Variants in GPR35 observed in about 807,000 individuals in gnomAD.
The protein encoded by GPR35 is G protein-coupled receptor 35, also known as KYNA receptor.
For missense variants in GPR35, 372 were observed against 422.5 expected (o/e 0.88, Z 1.05); for synonymous variants, 207 against 198.4 (o/e 1.04, Z -0.36).
intron 1 of GPR35, chr2:240,605,609 G>A (rs942187350): frequency 2.6e-5 from 4 of 152,562 alleles, no homozygotes; most frequent in African/African-American, 7.2e-5. Context: ...GCGGTAGTCA[G>A]GGAGAGGGCT....
chr2:240,621,854 C>G (rs1206412450), upstream of GPR35, among the ~76,000 whole-genome samples: 2 of 152,150 alleles, frequency 1.3e-5, no homozygotes, highest in African/African-American at 4.8e-5. Context: ...CTGTGCCTAA[C>G]ATGTATTATT....
At chr2:240,625,280 C>G (rs537184759), upstream of GPR35, 2 of 985,536 alleles carry the variant, frequency 2.0e-6, no homozygotes, top group African/African-American at 3.5e-5. Context: ...GATGCTGGCT[C>G]TTCAGAGGTG....
rs140850565 is a variant in GPR35 at position 240,630,602 on chromosome 2, G to C, written c.650G>C (p.Arg217Pro). 1 of 1,612,650 alleles carries C rather than the reference G, an allele frequency of 6.2e-7. No individual in the cohort carries two copies. The highest frequency in any genetic ancestry group is 1.1e-5 in the South Asian group (1 of 91,080). ...GQAEATRKAA[R>P]MVWANLLVFV... ...GCAGAGGCCACCCGCAAGGCTGCCC[G>C]CATGGTCTGGGCCAACCTCCTGGTG... The change falls in exon 2 of 2, where the codon CGC becomes CCC. Residue 217 changes from arginine to proline, a missense_variant. Transcript: ENST00000407714.
At chr2:240,624,925 G>A (rs2043351988), upstream of GPR35, among the ~76,000 whole-genome samples, 1 of 152,154 alleles carries the variant, frequency 6.6e-6, no homozygotes, top group African/African-American at 2.4e-5. Context: ...CAGGGGAGGA[G>A]CCAGCCTGCC....
At position 240,629,933 on chromosome 2, in the gene GPR35, C is replaced by A; in HGVS notation, c.-4-16C>A. Reference sequence around the variant, plus strand: ...GCTCACTCTCTGCTGACCTCCGGCTCCCTGTGCTGCCCCAGGACCATGAAT... The same window carrying A: ...GCTCACTCTCTGCTGACCTCCGGCTACCTGTGCTGCCCCAGGACCATGAAT... On this transcript the variant is annotated splice_polypyrimidine_tract_variant and intron_variant, in intron 1 of 1. Transcript: ENST00000407714. The A allele has an allele frequency of 6.3e-7, 1 of 1,584,826 alleles. No individual in the cohort carries two copies. Among genetic ancestry groups the A allele is most frequent in the South Asian group, 1.1e-5 (1 of 89,034 alleles).
At chr2:240,623,436 G>A (rs376137892), upstream of GPR35, among the ~76,000 whole-genome samples, 1,305 of 54,384 alleles carry the variant, frequency 0.024, 123 homozygotes, top group South Asian at 0.045. Flanking sequence ...CAAACAGGTC[G>A]TGAGGGCGCA....
At chr2:240,607,098 C>G (rs2043142214) in intron 2 of GPR35, 2 of 152,104 alleles carry the variant, frequency 1.3e-5, no homozygotes, top group Non-Finnish European at 2.9e-5. Context: ...TTGGATTGAT[C>G]ACATAGATGA....
intron 5 of GPR35, among the ~76,000 whole-genome samples, chr2:240,619,281 T>C (rs774068910): frequency 2.6e-5 from 4 of 152,186 alleles, no homozygotes; most frequent in African/African-American, 4.8e-5. Context: ...GTTTTGAGCT[T>C]AATTTGTGTT....
At chr2:240,627,174 G>C (rs1435969054) in intron 1 of GPR35, among the ~76,000 whole-genome samples, 1 of 152,200 alleles carries the variant, frequency 6.6e-6, no homozygotes, top group African/African-American at 2.4e-5. Flanking sequence ...CGGGAGGCCA[G>C]CTACGGTCCA....
At chr2:240,624,914 G>A (rs1439320968), upstream of GPR35, among the ~76,000 whole-genome samples, 1 of 152,162 alleles carries the variant, frequency 6.6e-6, no homozygotes, top group Non-Finnish European at 1.5e-5. Flanking sequence ...TCGGGGGGAA[G>A]CAGGGGAGGA....
chr2:240,611,078 G>A (rs550099614), intron 2 of GPR35, among the ~76,000 whole-genome samples: 2 of 152,246 alleles, frequency 1.3e-5, no homozygotes, highest in South Asian at 4.1e-4. Context: ...GATTACAGGT[G>A]CGTGCCACTA....
chr2:240,623,834 G>T (rs1048244202), upstream of GPR35, among the ~76,000 whole-genome samples: 14 of 152,320 alleles, frequency 9.2e-5, 1 homozygote, highest in East Asian at 2.3e-3. Flanking sequence ...AGAAGAATCC[G>T]CTGGGACCAT....
chr2:240,621,936 G>A (rs1430060735), upstream of GPR35, among the ~76,000 whole-genome samples: 3 of 152,200 alleles, frequency 2.0e-5, no homozygotes, highest in Non-Finnish European at 2.9e-5. Flanking sequence ...GCAGTAGCAC[G>A]ATCTCAGCTC....
intron 2 of GPR35, among the ~76,000 whole-genome samples, chr2:240,609,547 T>C (rs2043164158): frequency 6.6e-6 from 1 of 152,264 alleles, no homozygotes; most frequent in African/African-American, 2.4e-5. Context: ...GCTATTGATT[T>C]CTAATTAAGC....
At chr2:240,621,815 G>C (rs956934860), upstream of GPR35, among the ~76,000 whole-genome samples, 1 of 152,140 alleles carries the variant, frequency 6.6e-6, no homozygotes, top group Non-Finnish European at 1.5e-5. Flanking sequence ...CTCATACAGG[G>C]GTCTCGTCTG....
rs540599892 is a variant in GPR35, at chr2:240,614,976, CTA to C, written c.-576-1410_-576-1409del. Among the ~76,000 whole-genome samples the C allele has an allele frequency of 1.9e-4, 29 of 151,856 alleles. No individual in the cohort carries two copies. The South Asian group carries it at 2.5e-3, about 13-fold the overall frequency. On this transcript the variant is annotated intron_variant, in intron 2 of 5. Coordinates refer to the GPR35 transcript ENST00000319838. ...TTTATGTGTGTATTTGTATATGTAT[CTA>C]TGTGTGTTTATATGCGAGTGTGCAT...
At chr2:240,622,753 C>A (rs148216333), upstream of GPR35, among the ~76,000 whole-genome samples, 1 of 151,914 alleles carries the variant, frequency 6.6e-6, no homozygotes, top group Non-Finnish European at 1.5e-5. Flanking sequence ...TACAGCCCAG[C>A]GGGGTGAAGT....
intron 2 of GPR35, among the ~76,000 whole-genome samples, chr2:240,613,067 G>C (rs1219774872): frequency 6.6e-6 from 1 of 152,256 alleles, no homozygotes; most frequent in African/African-American, 2.4e-5. Context: ...AGCTGTGGCA[G>C]ACCTTCAGTA....
intron 1 of GPR35, chr2:240,629,281 T>A (rs572316081): frequency 2.6e-5 from 4 of 152,436 alleles, no homozygotes; most frequent in African/African-American, 9.6e-5. Context: ...GGTGAATCCC[T>A]GATCCCAGGT....
Sources: allele counts gnomAD v4.1 joint callset (sites outside exome capture counted in the v4.1 genomes callset), GRCh38; gene constraint gnomAD v4.1.1; transcripts MANE v1.5; gene names NCBI Gene and HGNC (gene_info 2026-07-23, HGNC 2026-07-21).